BMPR2: variants seen among roughly 807,000 people sequenced by gnomAD.
BMPR2 encodes the protein bone morphogenetic protein receptor type-2.
BMPR2 carries 29 observed loss-of-function variants against 100.8 expected under a neutral mutation model. The observed-to-expected ratio is 0.29, with a 90% CI of 0.21 to 0.39. The LOEUF is 0.39. Ranked by LOEUF, BMPR2 falls within the 10% of genes least tolerant of loss-of-function variation. The probability of loss-of-function intolerance (pLI) is 1.00; values close to 1 mark genes in which losing one functional copy is unlikely to be tolerated. For synonymous variants in BMPR2, 382 were observed against 442.3 expected (o/e 0.86, Z 1.71); for missense variants, 1,011 against 1,274.5 (o/e 0.79, Z 3.15).
intron 1 of BMPR2, among the ~76,000 whole-genome samples, chr2:202,392,543 A>G (rs769322474): frequency 2.0e-5 from 3 of 152,234 alleles, no homozygotes; most frequent in South Asian, 2.1e-4. Context: ...AGTATATTTT[A>G]TGTGTGTCAT....
At chr2:202,380,238 G>C (rs1218308296) in intron 1 of BMPR2, among the ~76,000 whole-genome samples, 2 of 151,122 alleles carry the variant, frequency 1.3e-5, no homozygotes, top group East Asian at 1.9e-4. Flanking sequence ...GTGCTGGCTT[G>C]GTTTATGAAT....
chr2:202,396,855 T>A (rs1452210400), intron 1 of BMPR2, among the ~76,000 whole-genome samples: 1 of 152,234 alleles, frequency 6.6e-6, no homozygotes, highest in South Asian at 2.1e-4. Flanking sequence ...TGGAGTGCAG[T>A]GGCGCGATCT....
At chr2:202,535,604 G>A (rs1688137559) in intron 9 of BMPR2, among the ~76,000 whole-genome samples, 1 of 151,492 alleles carries the variant, frequency 6.6e-6, no homozygotes, top group South Asian at 2.1e-4. Flanking sequence ...TTCCAGACTG[G>A]GCAGCCGGGC....
chr2:202,450,432 T>G (rs1427171816), intron 1 of BMPR2, among the ~76,000 whole-genome samples: 1 of 152,116 alleles, frequency 6.6e-6, no homozygotes, highest in African/African-American at 2.4e-5. Flanking sequence ...TGGCTCATGC[T>G]TGTAATCCCA....
chr2:202,530,133 C>A (rs563039523), intron 7 of BMPR2, among the ~76,000 whole-genome samples: 5 of 152,242 alleles, frequency 3.3e-5, no homozygotes, highest in African/African-American at 1.2e-4. Flanking sequence ...TTCATGGAGC[C>A]TGTAGTCCTA....
intron 1 of BMPR2, among the ~76,000 whole-genome samples, chr2:202,427,658 T>C (rs1691416415): frequency 6.6e-6 from 1 of 152,152 alleles, no homozygotes; most frequent in Non-Finnish European, 1.5e-5. Context: ...AGAATTGTAT[T>C]ATGCCTCTAC....
chr2:202,479,883 T>G (rs1384677495), intron 3 of BMPR2, among the ~76,000 whole-genome samples: 1 of 152,130 alleles, frequency 6.6e-6, no homozygotes, highest in African/African-American at 2.4e-5. Flanking sequence ...TTTCCTGTGC[T>G]TCTTAAACAT....
chr2:202,563,051 G>A lies in BMPR2; in HGVS notation c.*3105G>A, dbSNP rs905702878. On this transcript the variant is annotated 3_prime_UTR_variant, in exon 13 of 13. Transcript: ENST00000374580. The stretch of plus-strand genomic sequence containing the variant: ...AGTAACAGACAAAGCTGGGATTTCA[G>A]TCTATGTCTGCCTCTCTCCACATCT... The A allele has an allele frequency of 6.6e-6, 1 of 152,184 alleles. No individual in the cohort carries two copies. Among genetic ancestry groups the A allele is most frequent in the Non-Finnish European group, 1.5e-5 (1 of 68,044 alleles). 9.4% of individuals were successfully genotyped at this position (152,184 alleles called of 1,614,324 possible). A position where few individuals can be genotyped will look rare whatever the true frequency, so the allele number is the denominator to read the frequency against.
intron 1 of BMPR2, among the ~76,000 whole-genome samples, chr2:202,454,961 T>TTC (rs1317304500): frequency 6.6e-6 from 1 of 152,220 alleles, no homozygotes; most frequent in African/African-American, 2.4e-5. Flanking sequence ...GATGGCCACC[T>TTC]TCTCTCTGTG....
At chr2:202,537,929 C>G (rs1688193638) in intron 9 of BMPR2, among the ~76,000 whole-genome samples, 1 of 152,032 alleles carries the variant, frequency 6.6e-6, no homozygotes, top group South Asian at 2.1e-4. Flanking sequence ...TCGAGACCAG[C>G]CTGGCCAGCA....
chr2:202,565,407 G>C lies in BMPR2; in HGVS notation c.*5461G>C, dbSNP rs550486029. On this transcript the variant is annotated 3_prime_UTR_variant, in exon 13 of 13. Transcript: ENST00000374580. ...CATTACTCCAGTTAAGTAATAGTTT[G>C]ATAGTTTGATAGAATCGAGAGTTAA... The C allele has an allele frequency of 3.9e-5, 6 of 152,404 alleles. No individual in the cohort carries two copies. The highest frequency in any genetic ancestry group is 1.4e-4 in the African/African-American group (6 of 41,534). The allele number at this position is 152,404 out of a possible 1,614,324, so 9.4% of individuals were successfully genotyped here. A position where few individuals can be genotyped will look rare whatever the true frequency, so the allele number is the denominator to read the frequency against.
intron 3 of BMPR2, among the ~76,000 whole-genome samples, chr2:202,481,738 A>G (rs1328906496): frequency 6.6e-6 from 1 of 152,108 alleles, no homozygotes; most frequent in Non-Finnish European, 1.5e-5. Context: ...TGTTAAATTT[A>G]TTCCTAATTA....
intron 3 of BMPR2, among the ~76,000 whole-genome samples, chr2:202,480,706 C>T (rs58368031): frequency 6.6e-6 from 1 of 151,830 alleles, no homozygotes; most frequent in Non-Finnish European, 1.5e-5. Context: ...GTAATCCCAG[C>T]ACTTTGGGAG....
At chr2:202,534,659 T>G (rs1011775729) in intron 9 of BMPR2, among the ~76,000 whole-genome samples, 52 of 152,162 alleles carry the variant, frequency 3.4e-4, no homozygotes, top group Non-Finnish European at 6.8e-4. Flanking sequence ...CATGTCTACT[T>G]CTTTCTACAC....
chr2:202,383,885 A>G (rs1048637066), intron 1 of BMPR2, among the ~76,000 whole-genome samples: 1 of 151,666 alleles, frequency 6.6e-6, no homozygotes, highest in East Asian at 1.9e-4. Context: ...AAAAGCACTA[A>G]TATTGGCTGG....
chr2:202,457,850 C>T (rs1692150787), intron 1 of BMPR2, among the ~76,000 whole-genome samples: 1 of 152,086 alleles, frequency 6.6e-6, no homozygotes, highest in East Asian at 1.9e-4. Flanking sequence ...CTGCCTCAGC[C>T]TCCCAAGTAG....
chr2:202,444,000 C>T (rs1310458226), intron 1 of BMPR2, among the ~76,000 whole-genome samples: 1 of 150,366 alleles, frequency 6.7e-6, no homozygotes, highest in Non-Finnish European at 1.5e-5. Flanking sequence ...GTGGTACTAC[C>T]GACAAATGTT....
At chr2:202,522,337 C>A (rs1687832227) in intron 7 of BMPR2, among the ~76,000 whole-genome samples, 1 of 151,944 alleles carries the variant, frequency 6.6e-6, no homozygotes, top group South Asian at 2.1e-4. Flanking sequence ...GAAACCCCGT[C>A]TCTACTAAAA....
intron 3 of BMPR2, among the ~76,000 whole-genome samples, chr2:202,485,080 G>A (rs1374370000): frequency 6.6e-6 from 1 of 151,842 alleles, no homozygotes; most frequent in Non-Finnish European, 1.5e-5. Flanking sequence ...TCCCGACTCG[G>A]CCTCCCAAAG....
Sources: allele counts gnomAD v4.1 joint callset (sites outside exome capture counted in the v4.1 genomes callset), GRCh38; gene constraint gnomAD v4.1.1; transcripts MANE v1.5; gene names NCBI Gene and HGNC (gene_info 2026-07-23, HGNC 2026-07-21).